B4GALT5: variants seen among roughly 807,000 people sequenced by gnomAD.
B4GALT5 encodes the protein UDP-Gal:beta-GlcNAc beta-1,4-galactosyltransferase 5.
A neutral mutation model predicts 45.0 loss-of-function variants in B4GALT5; 11 were observed. The ratio of observed to expected loss-of-function variants is 0.24; its 90% CI spans 0.15 to 0.40. B4GALT5 has a LOEUF of 0.40. Among genes scored for constraint, B4GALT5 ranks in the 10% least tolerant of loss-of-function variants. The probability of loss-of-function intolerance (pLI) is 1.00; values close to 1 mark genes in which losing one functional copy is unlikely to be tolerated. For missense variants in B4GALT5, 337 were observed against 500.2 expected, an observed-to-expected ratio of 0.67 and a Z score of 3.11; for synonymous variants, 185 against 182.9, an observed-to-expected ratio of 1.01 and a Z score of -0.09.
intron 3 of B4GALT5, among the ~76,000 whole-genome samples, chr20:49,646,266 GTGT>G (rs2085598804): frequency 6.6e-6 from 1 of 152,174 alleles, no homozygotes. Context: ...AAAGTGTTCA[GTGT>G]TCATAAAGTC....
At chr20:49,653,786 A>G (rs1436337249) in intron 2 of B4GALT5, among the ~76,000 whole-genome samples, 1 of 152,250 alleles carries the variant, frequency 6.6e-6, no homozygotes, top group Non-Finnish European at 1.5e-5. Context: ...TGTTCTAACC[A>G]GAGAGATGCA....
At chr20:49,662,713 T>C (rs6019962) in intron 1 of B4GALT5, among the ~76,000 whole-genome samples, 2,223 of 152,252 alleles carry the variant, frequency 0.015, 59 homozygotes, top group African/African-American at 0.051. Context: ...CCAAAAAGAT[T>C]AGCTTTCCCC....
chr20:49,652,503 C>T (rs1162978109), intron 2 of B4GALT5, among the ~76,000 whole-genome samples: 1 of 151,878 alleles, frequency 6.6e-6, no homozygotes, highest in Non-Finnish European at 1.5e-5. Flanking sequence ...AGGGTAGCCA[C>T]ATCGAAGACT....
At position 49,660,793 on chromosome 20, in the gene B4GALT5, T is replaced by C. The variant is rs2085661906; in HGVS notation, c.116-4091A>G. Among the ~76,000 whole-genome samples the C allele has an allele frequency of 3.3e-5, 5 of 152,086 alleles. No individual in the cohort carries two copies. In the South Asian group the frequency reaches 1.0e-3, roughly 31 times the overall value. On this transcript the variant is annotated intron_variant, in intron 1 of 8. Transcript: ENST00000371711. The stretch of plus-strand genomic sequence containing the variant: ...TTGAGGCCAGGAGTTCAAGACCAGC[T>C]GGGCAATACAGCAAAATCCCGTCTC...
At chr20:49,658,093 G>A (rs1033743233) in intron 1 of B4GALT5, among the ~76,000 whole-genome samples, 4 of 152,152 alleles carry the variant, frequency 2.6e-5, no homozygotes, top group African/African-American at 9.7e-5. Flanking sequence ...TTCAAATGCG[G>A]CCTTGCATTG....
chr20:49,710,405 C>T (rs116872579), intron 1 of B4GALT5, among the ~76,000 whole-genome samples: 17 of 102,438 alleles, frequency 1.7e-4, no homozygotes, highest in African/African-American at 3.2e-4. Context: ...TTTTCTCTCT[C>T]TTTTTTTTTT....
chr20:49,687,893 T>A (rs554736204), intron 1 of B4GALT5, among the ~76,000 whole-genome samples: 74 of 146,476 alleles, frequency 5.1e-4, no homozygotes, highest in African/African-American at 1.5e-3. Flanking sequence ...AAAAAAAAAA[T>A]TTTTTTTTTC....
At chr20:49,656,328 T>C (rs1176218892) in intron 2 of B4GALT5, among the ~76,000 whole-genome samples, 2 of 152,210 alleles carry the variant, frequency 1.3e-5, no homozygotes, top group Non-Finnish European at 2.9e-5. Context: ...TAAATCCTTT[T>C]TCTTTGTAAA....
chr20:49,708,245 T>C (rs1421307989), intron 1 of B4GALT5, among the ~76,000 whole-genome samples: 1 of 151,938 alleles, frequency 6.6e-6, no homozygotes, highest in Non-Finnish European at 1.5e-5. Context: ...AGACTTCATC[T>C]CAAAAAATAG....
Position 49,637,437 on chromosome 20 carries a change from T to C in B4GALT5, c.923A>G (p.Gln308Arg). ...GEDDDLWNRVQNAGYSVSRPE... is the reference protein window; with the variant it reads ...GEDDDLWNRVRNAGYSVSRPE... ...CCGGCTCACAGAATAGCCTGCATTC[T>C]GTACTCTGTCCAAGACCAAGAGAAC... The change falls in exon 8 of 9, where the codon CAG becomes CGG. Residue 308 changes from glutamine to arginine, a missense_variant. Physicochemically the swap from Gln to Arg is conservative, Grantham distance 43. This residue lies in a region of B4GALT5 where 163 missense variants were observed against 292.8 expected (regional missense o/e 0.56). Transcript: ENST00000371711. The C allele has an allele frequency of 6.2e-7, 1 of 1,613,844 alleles. No homozygotes were observed. The highest frequency in any genetic ancestry group is 8.5e-7 in the Non-Finnish European group (1 of 1,179,742).
chr20:49,657,335 G>A (rs1185977739), intron 1 of B4GALT5, among the ~76,000 whole-genome samples: 2 of 152,154 alleles, frequency 1.3e-5, no homozygotes, highest in Admixed American at 6.6e-5. Context: ...ACAGTCCAAG[G>A]TCAATTAAAA....
At chr20:49,694,519 C>T (rs1453439392) in intron 1 of B4GALT5, among the ~76,000 whole-genome samples, 1 of 151,892 alleles carries the variant, frequency 6.6e-6, no homozygotes, top group Non-Finnish European at 1.5e-5. Flanking sequence ...AGCTACTGGT[C>T]CTAGCTACTT....
At chr20:49,638,576 T>A (rs2085563529) in intron 7 of B4GALT5, among the ~76,000 whole-genome samples, 1 of 152,172 alleles carries the variant, frequency 6.6e-6, no homozygotes, top group African/African-American at 2.4e-5. Context: ...ATTCCACCCT[T>A]CAGTTTGGAG....
intron 1 of B4GALT5, among the ~76,000 whole-genome samples, chr20:49,669,736 TG>T (rs1256464991): frequency 6.0e-5 from 9 of 150,602 alleles, no homozygotes; most frequent in African/African-American, 2.2e-4. Flanking sequence ...GGCACACAGA[TG>T]CTGTGATAGC....
intron 1 of B4GALT5, among the ~76,000 whole-genome samples, chr20:49,669,209 A>AC (rs1171208204): frequency 2.5e-4 from 38 of 151,558 alleles, no homozygotes; most frequent in Admixed American, 2.4e-3. Flanking sequence ...GTATCATCCC[A>AC]CCCCCAAGAT....
At position 49,677,087 on chromosome 20, in the gene B4GALT5, C is replaced by T. The variant is rs544615368; in HGVS notation, c.116-20385G>A. Among the ~76,000 whole-genome samples the T allele has an allele frequency of 1.4e-3, 207 of 152,196 alleles. 1 individual carries two copies. The highest frequency in any genetic ancestry group is 4.6e-3 in the African/African-American group (189 of 41,522). ...TTGTTCTAGGGGGTATTTCTGCAGC[C>T]TTCTCAGAAAAACCTCAGGGTATTA... On this transcript the variant is annotated intron_variant, in intron 1 of 8. Transcript: ENST00000371711.
chr20:49,680,728 G>A lies in B4GALT5; in HGVS notation c.116-24026C>T, dbSNP rs1427473327. 6.6e-5 allele frequency among the ~76,000 whole-genome samples: 10 copies of A among 152,056 alleles called. No homozygotes were observed. The East Asian group carries it at 9.7e-4, about 15-fold the overall frequency. ...GGAAACGAATAGTAGTAATGGTTGCGTAATATTGAGAATGTACTTAACGCC... is the reference window on the plus strand; with the variant it reads ...GGAAACGAATAGTAGTAATGGTTGCATAATATTGAGAATGTACTTAACGCC... On this transcript the variant is annotated intron_variant, in intron 1 of 8. Coordinates refer to ENST00000371711, the MANE Select transcript of B4GALT5 (RefSeq NM_004776.4).
intron 1 of B4GALT5, among the ~76,000 whole-genome samples, chr20:49,686,074 T>C (rs923884627): frequency 1.5e-4 from 23 of 152,278 alleles, no homozygotes; most frequent in Admixed American, 6.5e-4. Flanking sequence ...AACAAGACAT[T>C]TGGCATCAAA....
At position 49,692,514 on chromosome 20, in the gene B4GALT5, A is replaced by T. The variant is rs141222491; in HGVS notation, c.115+21062T>A. On this transcript the variant is annotated intron_variant, in intron 1 of 8. Coordinates refer to ENST00000371711, the MANE Select transcript of B4GALT5 (RefSeq NM_004776.4). ...CAATAGAAAATATCTTGGTATCACC[A>T]TATCATCATCCAATGCCAACTTTAT... Among the ~76,000 whole-genome samples, 462 of 152,298 alleles carry T rather than the reference A, an allele frequency of 3.0e-3. 5 individuals carry two copies. Among genetic ancestry groups the T allele is most frequent in the Non-Finnish European group, 3.6e-3 (242 of 68,014 alleles).
Sources: gnomAD v4.1 joint callset for allele counts (sites outside exome capture counted in the v4.1 genomes callset) on GRCh38, gnomAD v4.1.1 for gene constraint, gnomAD v4.1.1 regional missense constraint, MANE v1.5 for transcripts, NCBI Gene and HGNC (gene_info 2026-07-23, HGNC 2026-07-21) for gene names.